Variants in RABL2A observed in about 807,000 individuals in gnomAD.
The protein encoded by RABL2A is rab-like protein 2A.
Under a neutral mutation model 30.7 loss-of-function variants are expected in RABL2A, and 17 were observed. The observed-to-expected ratio is 0.55, with a 90% CI of 0.38 to 0.83. The LOEUF (loss-of-function observed/expected upper bound fraction) is 0.83, where lower values mean the gene tolerates loss of function less well. RABL2A is among the 40% of genes least tolerant of loss of function. The pLI, the probability that RABL2A is intolerant of heterozygous loss-of-function variation, is 0.00. For synonymous variants in RABL2A, 64 were observed against 101.8 expected, an observed-to-expected ratio of 0.63 and a Z score of 2.24; for missense variants, 155 against 272.6, an observed-to-expected ratio of 0.57 and a Z score of 3.04.
At chr2:113,637,832 T>C (rs1683522329) in intron 5 of RABL2A, 2 of 1,279,966 alleles carry the variant, frequency 1.6e-6, no homozygotes, top group African/African-American at 1.5e-5. Context: ...CTGCTGCATC[T>C]CCGTGGGCTC....
At position 113,631,799 on chromosome 2, in the gene RABL2A, C is replaced by G. The variant is rs533875597; in HGVS notation, c.108-1116C>G. On this transcript the variant is annotated intron_variant, in intron 2 of 8. Coordinates refer to ENST00000683472, the MANE Select transcript of RABL2A (RefSeq NM_001306158.2). ...GGCAAGTTTATGGATCTCTCCTCTTCCTCCTGCACTTTCTGAGCATGTGCC... is the reference window on the plus strand; with the variant it reads ...GGCAAGTTTATGGATCTCTCCTCTTGCTCCTGCACTTTCTGAGCATGTGCC... 9.8e-4 allele frequency among the ~76,000 whole-genome samples: 149 copies of G among 151,934 alleles called. 1 individual carries two copies. In the Middle Eastern group the frequency reaches 0.014, roughly 14 times the overall value.
At chr2:113,638,014 C>G in intron 5 of RABL2A, 5 of 985,378 alleles carry the variant, frequency 5.1e-6, no homozygotes, top group Non-Finnish European at 6.0e-6. Flanking sequence ...GCTCGACCCT[C>G]CACCTTGAAA....
intron 2 of RABL2A, among the ~76,000 whole-genome samples, chr2:113,632,478 G>A (rs1680755899): frequency 6.6e-6 from 1 of 152,244 alleles, no homozygotes; most frequent in African/African-American, 2.4e-5. Context: ...TGTATCTTTA[G>A]TGGAGACAAG....
At chr2:113,638,535 T>C (rs1026478158) in intron 5 of RABL2A, 1 of 985,250 alleles carries the variant, frequency 1.0e-6, no homozygotes, top group Admixed American at 6.2e-5. Context: ...CCCTTAGAGC[T>C]GGTTTGCAGT....
chr2:113,639,245 C>T (rs1358739104), intron 5 of RABL2A, among the ~76,000 whole-genome samples: 1 of 152,046 alleles, frequency 6.6e-6, no homozygotes, highest in Non-Finnish European at 1.5e-5. Context: ...AAGATTCTGC[C>T]ACTGCACTCC....
Position 113,640,983 on chromosome 2 carries a change from C to G in RABL2A, c.387C>G (p.Ile129Met). Residue 129 changes from isoleucine to methionine, a missense_variant, in exon 6 of 9, where the codon ATC (isoleucine) becomes ATG (methionine). This residue lies in a region of RABL2A where 6 missense variants were observed against 24.1 expected (regional missense o/e 0.25). Transcript: ENST00000683472. ...LREFRPEIPC[I>M]VVANKIDADI... ...AGTTCAGGCCAGAGATCCCATGCAT[C>G]GTGGTGGCCAATAAAATTGATGGTG... 1.2e-6 allele frequency: 2 copies of G among 1,613,678 alleles called. No homozygotes were observed. The highest frequency in any genetic ancestry group is 1.1e-5 in the South Asian group (1 of 91,042).
rs944213376 is a variant in RABL2A at position 113,642,654 on chromosome 2, C to A, written c.*525C>A. ...CATCTGGTTTGTTTGTTTCTTTGTT[C>A]GTCCTGAGACGGAGTCTCGCTCTGT... On this transcript the variant is annotated 3_prime_UTR_variant, in exon 9 of 9. Coordinates refer to ENST00000683472, the MANE Select transcript of RABL2A (RefSeq NM_001306158.2). The A allele has an allele frequency of 3.4e-5, 7 of 204,890 alleles. No individual in the cohort carries two copies. Among genetic ancestry groups the A allele is most frequent in the Non-Finnish European group, 6.0e-5 (6 of 100,464 alleles). The allele number at this position is 204,890 out of a possible 1,614,324, so 12.7% of individuals were successfully genotyped here.
intron 3 of RABL2A, chr2:113,633,239 C>G (rs1217230070): frequency 4.0e-6 from 2 of 503,624 alleles, no homozygotes; most frequent in Non-Finnish European, 7.2e-6. Context: ...TCAAACCCCA[C>G]CTCCTCCTCC....
At chr2:113,627,671 G>C (rs990975959) in intron 1 of RABL2A, among the ~76,000 whole-genome samples, 1 of 152,224 alleles carries the variant, frequency 6.6e-6, no homozygotes, top group African/African-American at 2.4e-5. Flanking sequence ...CACGCCTATA[G>C]TCCAGGGATG....
At chr2:113,638,336 C>G (rs793069) in intron 5 of RABL2A, 109,884 of 985,206 alleles carry the variant, frequency 0.11, 8,890 homozygotes, top group African/African-American at 0.37. Context: ...AACCATGTTG[C>G]TTGCACAAAT....
chr2:113,642,452 G>A lies in RABL2A; in HGVS notation c.*323G>A. On this transcript the variant is annotated 3_prime_UTR_variant, in exon 9 of 9. Coordinates refer to ENST00000683472, the MANE Select transcript of RABL2A (RefSeq NM_001306158.2). ...ATGATTATGTGTCACTTTAATACAGGAAATTTAGGTGTTTTTTGGTGTTTT... is the reference window on the plus strand; with the variant it reads ...ATGATTATGTGTCACTTTAATACAGAAAATTTAGGTGTTTTTTGGTGTTTT... The A allele has an allele frequency of 2.5e-6, 1 of 393,316 alleles. No homozygotes were observed. Among genetic ancestry groups the A allele is most frequent in the South Asian group, 2.7e-5 (1 of 36,418 alleles). 24.4% of individuals were successfully genotyped at this position (393,316 alleles called of 1,614,324 possible).
intron 5 of RABL2A, among the ~76,000 whole-genome samples, chr2:113,637,079 G>T (rs1683166658): frequency 6.6e-6 from 1 of 152,214 alleles, no homozygotes; most frequent in South Asian, 2.1e-4. Context: ...CCCACTTAGT[G>T]ATTGTCTGTA....
intron 2 of RABL2A, among the ~76,000 whole-genome samples, chr2:113,631,579 C>A (rs1175558927): frequency 6.6e-6 from 1 of 152,192 alleles, no homozygotes; most frequent in Non-Finnish European, 1.5e-5. Context: ...CCTAGAGCCT[C>A]CGGAGGTAGG....
At chr2:113,630,896 T>G (rs564635529) in intron 2 of RABL2A, among the ~76,000 whole-genome samples, 1 of 151,900 alleles carries the variant, frequency 6.6e-6, no homozygotes, top group Admixed American at 6.6e-5. Context: ...GGTGTTTTTT[T>G]GTTTTTTTGG....
At chr2:113,639,708 T>C (rs1684375019) in intron 5 of RABL2A, among the ~76,000 whole-genome samples, 2 of 151,704 alleles carry the variant, frequency 1.3e-5, no homozygotes, top group Non-Finnish European at 2.9e-5. Flanking sequence ...ATAAAAAAAT[T>C]AGCCAGGCAT....
rs2104901357 is a variant in RABL2A, at chr2:113,643,069, A to G, written c.*940A>G. The G allele has an allele frequency of 6.7e-6, 3 of 447,478 alleles. No homozygotes were observed. The highest frequency in any genetic ancestry group is 1.2e-3 in the Middle Eastern group (2 of 1,680). The allele number at this position is 447,478 out of a possible 1,614,324, so 27.7% of individuals were successfully genotyped here. ...GTGACAGGCCTAGCTATAGTTAGGAATACACAAGCGGTAAAATCGAGTCCT... is the reference window on the plus strand; with the variant it reads ...GTGACAGGCCTAGCTATAGTTAGGAGTACACAAGCGGTAAAATCGAGTCCT... On this transcript the variant is annotated 3_prime_UTR_variant, in exon 9 of 9. Transcript: ENST00000683472.
rs371828050 is a variant in RABL2A at position 113,635,089 on chromosome 2, A to T, written c.256A>T (p.Met86Leu). ...DTAGQERFQSMHASYYHKAHA... is the reference protein window; with the variant it reads ...DTAGQERFQSLHASYYHKAHA... ...GGCAGGCCAGGAGCGGTTCCAGAGC[A>T]TGCATGCCTCCTACTACCACAAGGC... Residue 86 changes from methionine (M) to leucine (L), a missense_variant, in exon 5 of 9, where the codon ATG (methionine) becomes TTG (leucine). Transcript: ENST00000683472. The T allele has an allele frequency of 6.2e-7, 1 of 1,614,206 alleles. No homozygotes were observed. Among genetic ancestry groups the T allele is most frequent in the Non-Finnish European group, 8.5e-7 (1 of 1,180,030 alleles).
intron 2 of RABL2A, among the ~76,000 whole-genome samples, chr2:113,630,612 A>T (rs1432701581): frequency 6.6e-6 from 1 of 150,992 alleles, no homozygotes; most frequent in East Asian, 1.9e-4. Flanking sequence ...AGCCCCAGTC[A>T]CCAGGCTTTC....
In RABL2A at chr2:113,636,091, A is replaced by G. The variant is rs542493302; in HGVS notation, c.297+961A>G. Among the ~76,000 whole-genome samples the G allele has an allele frequency of 2.0e-4, 31 of 151,554 alleles. No homozygotes were observed. In the East Asian group the frequency reaches 5.4e-3, roughly 26 times the overall value. On this transcript the variant is annotated intron_variant, in intron 5 of 8. Transcript: ENST00000683472. The stretch of plus-strand genomic sequence containing the variant: ...CCATTGCACTCCAGCCTGGGCAACA[A>G]GAGCAAAACTCCATCTAAAAAAAAC...
Sources: allele counts gnomAD v4.1 joint callset (sites outside exome capture counted in the v4.1 genomes callset), GRCh38; gene constraint gnomAD v4.1.1; regional missense constraint gnomAD v4.1.1; transcripts MANE v1.5; gene names NCBI Gene and HGNC (gene_info 2026-07-23, HGNC 2026-07-21).